Variants in GRM1 observed in about 807,000 individuals in gnomAD.
The protein encoded by GRM1 is metabotropic glutamate receptor 1.
Under a neutral mutation model 90.9 loss-of-function variants are expected in GRM1, and 33 were observed. That is an observed-to-expected ratio of 0.36 (90% CI 0.28 to 0.49). The LOEUF (loss-of-function observed/expected upper bound fraction) is 0.49. Among genes scored for constraint, GRM1 ranks in the 20% least tolerant of loss-of-function variants. GRM1 has a pLI of 0.99. For missense variants in GRM1, 1,190 were observed against 1,534.3 expected (o/e 0.78, Z 3.75); for synonymous variants, 700 against 613.2 (o/e 1.14, Z -2.09).
chr6:146,046,897 C>T (rs1023356612), intron 1 of GRM1, among the ~76,000 whole-genome samples: 1 of 151,946 alleles, frequency 6.6e-6, no homozygotes, highest in Non-Finnish European at 1.5e-5. Context: ...GGACAGGTTA[C>T]TTCCAGTAGG....
intron 1 of GRM1, among the ~76,000 whole-genome samples, chr6:146,072,758 G>A (rs943901334): frequency 6.6e-6 from 1 of 152,042 alleles, no homozygotes; most frequent in Admixed American, 6.6e-5. Context: ...AACTGCTAAG[G>A]TTTCAAAGGA....
chr6:146,202,159 T>G (rs889266351), intron 2 of GRM1, among the ~76,000 whole-genome samples: 5 of 152,236 alleles, frequency 3.3e-5, no homozygotes, highest in African/African-American at 1.2e-4. Flanking sequence ...TATATAAACC[T>G]GTATGCACAT....
chr6:146,221,878 A>G (rs1780075929), intron 2 of GRM1, among the ~76,000 whole-genome samples: 1 of 152,132 alleles, frequency 6.6e-6, no homozygotes, highest in Admixed American at 6.6e-5. Flanking sequence ...ACAGACATTG[A>G]AATTTGTATT....
intron 2 of GRM1, among the ~76,000 whole-genome samples, chr6:146,302,314 G>C (rs866784184): frequency 1.1e-4 from 16 of 148,604 alleles, no homozygotes; most frequent in African/African-American, 4.0e-4. Flanking sequence ...GCAGGCACAC[G>C]TGTCATATCT....
At position 146,226,564 on chromosome 6, in the gene GRM1, A is replaced by ATCACTAGCAAGC. The variant is rs539194103; in HGVS notation, c.950+66974_950+66985dup. On this transcript the variant is annotated intron_variant, in intron 2 of 7. Coordinates refer to ENST00000282753, the MANE Select transcript of GRM1 (RefSeq NM_001278064.2). ...TGCCTGCTCAGAACATTATCTATGT[A>ATCACTAGCAAGC]TCACTAGCAAGCTCACTATTAGGAG... 2.3e-3 allele frequency among the ~76,000 whole-genome samples: 351 copies of ATCACTAGCAAGC among 152,278 alleles called. 2 individuals carry two copies. Among genetic ancestry groups the ATCACTAGCAAGC allele is most frequent in the African/African-American group, 7.7e-3 (322 of 41,564 alleles).
chr6:146,059,221 A>G lies in GRM1; in HGVS notation c.700+29004A>G, dbSNP rs1342259337. 2.6e-5 allele frequency among the ~76,000 whole-genome samples: 4 copies of G among 152,176 alleles called. No homozygotes were observed. In the East Asian group the frequency reaches 5.8e-4, roughly 22 times the overall value. ...TTTCTTAAATAAGACTTGAAAGTCA[A>G]AATTACTCTTTGATCCATGGGCTGC... is the stretch of plus-strand genomic sequence containing the variant. On this transcript the variant is annotated intron_variant, in intron 1 of 7. Coordinates refer to ENST00000282753, the MANE Select transcript of GRM1 (RefSeq NM_001278064.2).
intron 1 of GRM1, among the ~76,000 whole-genome samples, chr6:146,156,775 G>A (rs1465784430): frequency 6.6e-6 from 1 of 152,140 alleles, no homozygotes; most frequent in Admixed American, 6.5e-5. Context: ...GAGAGAGAAA[G>A]GATTAAGAAT....
chr6:146,436,033 T>A lies in GRM1; in HGVS notation c.*1237T>A, dbSNP rs1397145586. On this transcript the variant is annotated 3_prime_UTR_variant, in exon 8 of 8. Transcript: ENST00000282753. Reference sequence around the variant, plus strand: ...GAATGTGTTCCTGTGTCCTTGTATATGTGCGATCGTAAAATTTGTGCAATG... The same window carrying A: ...GAATGTGTTCCTGTGTCCTTGTATAAGTGCGATCGTAAAATTTGTGCAATG... 6.6e-6 allele frequency: 1 copy of A among 152,666 alleles called. No homozygotes were observed. The highest frequency in any genetic ancestry group is 1.5e-5 in the Non-Finnish European group (1 of 68,046). The allele number at this position is 152,666 out of a possible 1,614,324, so 9.5% of individuals were successfully genotyped here. A position where few individuals can be genotyped will look rare whatever the true frequency, so the allele number is the denominator to read the frequency against.
intron 4 of GRM1, among the ~76,000 whole-genome samples, chr6:146,354,100 C>T (rs1480172441): frequency 6.6e-6 from 1 of 152,158 alleles, no homozygotes; most frequent in African/African-American, 2.4e-5. Context: ...GAAGGATAAA[C>T]GATATCAGTC....
chr6:146,062,127 A>G (rs1775692142), intron 1 of GRM1, among the ~76,000 whole-genome samples: 1 of 152,140 alleles, frequency 6.6e-6, no homozygotes, highest in East Asian at 1.9e-4. Flanking sequence ...GATAAAGCAA[A>G]TGTGGCACAT....
chr6:146,385,998 A>G (rs192289133), intron 5 of GRM1, among the ~76,000 whole-genome samples: 1 of 152,172 alleles, frequency 6.6e-6, no homozygotes, highest in African/African-American at 2.4e-5. Flanking sequence ...CAAAAAACAA[A>G]GAACATATAG....
chr6:146,349,961 A>T (rs1225557603), intron 3 of GRM1, among the ~76,000 whole-genome samples: 1 of 152,188 alleles, frequency 6.6e-6, no homozygotes, highest in Non-Finnish European at 1.5e-5. Flanking sequence ...GACTTAAGAG[A>T]GATGACACAA....
At chr6:146,427,461 G>A (rs577100438) in intron 7 of GRM1, among the ~76,000 whole-genome samples, 4 of 152,180 alleles carry the variant, frequency 2.6e-5, no homozygotes, top group Admixed American at 6.5e-5. Context: ...GGAGCCCACT[G>A]ATGAGGTGTC....
At chr6:146,426,658 A>G (rs1195930802) in intron 7 of GRM1, 2 of 1,244,874 alleles carry the variant, frequency 1.6e-6, no homozygotes, top group East Asian at 4.7e-5. Context: ...GAGAAGCTGC[A>G]TGGAAAATCT....
intron 1 of GRM1, among the ~76,000 whole-genome samples, chr6:146,063,769 G>A (rs999455025): frequency 7.9e-5 from 12 of 151,940 alleles, no homozygotes; most frequent in Non-Finnish European, 1.5e-4. Context: ...AATCCATATG[G>A]TAGCTCTTCT....
In GRM1 at chr6:146,312,070, G is replaced by A. The variant is rs1320089424; in HGVS notation, c.1186+7224G>A. On this transcript the variant is annotated intron_variant, in intron 3 of 7. Coordinates refer to ENST00000282753, the MANE Select transcript of GRM1 (RefSeq NM_001278064.2). ...TGTTAAGAATATTTAGGCCTGGTGC[G>A]GTGGCTCACGCCTGTAATCCCAGCA... 5.3e-5 allele frequency among the ~76,000 whole-genome samples: 8 copies of A among 152,068 alleles called. 1 individual carries two copies. The South Asian group carries it at 8.3e-4, about 16-fold the overall frequency.
rs561573148 is a variant in GRM1, at chr6:146,091,905, A to G, written c.700+61688A>G. The stretch of plus-strand genomic sequence containing the variant: ...CAAACTCAGAGAAAAGTCAAGCTCA[A>G]GAAACACAAACATGGTGGCATCTTT... On this transcript the variant is annotated intron_variant, in intron 1 of 7. Coordinates refer to ENST00000282753, the MANE Select transcript of GRM1 (RefSeq NM_001278064.2). Among the ~76,000 whole-genome samples the G allele has an allele frequency of 2.6e-5, 4 of 152,250 alleles. No homozygotes were observed. In the South Asian group the frequency reaches 8.3e-4, roughly 32 times the overall value.
intron 1 of GRM1, among the ~76,000 whole-genome samples, chr6:146,153,034 G>C (rs139046395): frequency 2.6e-5 from 4 of 152,152 alleles, no homozygotes; most frequent in African/African-American, 9.7e-5. Context: ...GGGTGGGCTC[G>C]TGGCTGGGTG....
At chr6:146,248,493 A>G (rs1237767359) in intron 2 of GRM1, among the ~76,000 whole-genome samples, 2 of 152,086 alleles carry the variant, frequency 1.3e-5, no homozygotes, top group African/African-American at 4.8e-5. Flanking sequence ...TCCTTGCCCC[A>G]CTGCTGCCAT....
Sources: allele counts gnomAD v4.1 joint callset (sites outside exome capture counted in the v4.1 genomes callset), GRCh38; gene constraint gnomAD v4.1.1; transcripts MANE v1.5; gene names NCBI Gene and HGNC (gene_info 2026-07-23, HGNC 2026-07-21).